Variants in BCL2L2 observed in about 807,000 individuals in gnomAD.
BCL2L2 encodes the protein bcl-2-like protein 2.
In BCL2L2, 6 loss-of-function variants were observed where a neutral mutation model predicts 14.6. The ratio of observed to expected loss-of-function variants is 0.41; its 90% CI spans 0.22 to 0.81. The LOEUF is 0.81. Among genes scored for constraint, BCL2L2 ranks in the 30% least tolerant of loss-of-function variants. The pLI is 0.32. For synonymous variants in BCL2L2, 90 were observed against 108.5 expected, an observed-to-expected ratio of 0.83 and a Z score of 1.06; for missense variants, 191 against 260.5, an observed-to-expected ratio of 0.73 and a Z score of 1.84.
rs750337260 is a variant in BCL2L2 at position 23,307,799 on chromosome 14, G to A, written c.32G>A (p.Arg11Gln). 16 of 1,540,312 alleles carry A rather than the reference G, an allele frequency of 1.0e-5. No individual in the cohort carries two copies. Among genetic ancestry groups the A allele is most frequent in the Admixed American group, 8.5e-5 (4 of 47,026 alleles). ...ACCCCAGCCTCGGCCCCAGACACAC[G>A]GGCTCTGGTGGCAGACTTTGTAGGT... MATPASAPDT[R>Q]ALVADFVGYK... is the part of the protein sequence containing the mutation. Residue 11 changes from arginine to glutamine, a missense_variant, in exon 3 of 4, where the codon CGG becomes CAG. Arg to Gln is a conservative substitution (Grantham distance 43). Transcript: ENST00000250405.
chr14:23,311,546 AAC>A lies in BCL2L2; in HGVS notation c.*2584_*2585del. On this transcript the variant is annotated 3_prime_UTR_variant, in exon 4 of 4. Coordinates refer to ENST00000250405, the MANE Select transcript of BCL2L2 (RefSeq NM_004050.5). Reference sequence around the variant, plus strand: ...CTCCCCACTTATTCTAGGGCACACAAACACTATTTTACTTTTTTAAAATCATA... The same window carrying A: ...CTCCCCACTTATTCTAGGGCACACAAACTATTTTACTTTTTTAAAATCATA... The A allele has an allele frequency of 1.0e-6, 1 of 987,946 alleles. No homozygotes were observed. The highest frequency in any genetic ancestry group is 1.2e-6 in the Non-Finnish European group (1 of 831,774). 61.2% of individuals were successfully genotyped at this position (987,946 alleles called of 1,614,324 possible).
chr14:23,308,981 T>TGGGGCTAGGTGTGGCTG lies in BCL2L2; in HGVS notation c.*22_*38dup. On this transcript the variant is annotated 3_prime_UTR_variant, in exon 4 of 4. Coordinates refer to ENST00000250405, the MANE Select transcript of BCL2L2 (RefSeq NM_004050.5). The surrounding 1 kb of genome is among the most constrained non-coding windows in gnomAD (Gnocchi z 5.4). ...TAGCAAGTGAAAGTCCAGGGCCAGG[T>TGGGGCTAGGTGTGGCTG]GGGGCTAGGTGTGGCTGGGGGCCAG... The TGGGGCTAGGTGTGGCTG allele has an allele frequency of 7.6e-7, 1 of 1,321,116 alleles. No individual in the cohort carries two copies. Among genetic ancestry groups the TGGGGCTAGGTGTGGCTG allele is most frequent in the Non-Finnish European group, 9.7e-7 (1 of 1,026,802 alleles). 81.8% of individuals were successfully genotyped at this position (1,321,116 alleles called of 1,614,324 possible). A position where few individuals can be genotyped will look rare whatever the true frequency, so the allele number is the denominator to read the frequency against.
At chr14:23,307,395 T>G in intron 2 of BCL2L2, 116 bp downstream of exon 2, 3 of 167,828 alleles carry the variant, frequency 1.8e-5, no homozygotes, top group Non-Finnish European at 2.5e-5. Flanking sequence ...ACATCTTGCA[T>G]TTGGGGAGGT....
In BCL2L2 at chr14:23,308,959, C is replaced by G. The variant is rs960026776; in HGVS notation, c.576C>G (p.Ser192Arg). 3.0e-6 allele frequency: 4 copies of G among 1,324,752 alleles called. No homozygotes were observed. The highest frequency in any genetic ancestry group is 1.5e-5 in the African/African-American group (1 of 66,428). The allele number at this position is 1,324,752 out of a possible 1,614,324, so 82.1% of individuals were successfully genotyped here. A position where few individuals can be genotyped will look rare whatever the true frequency, so the allele number is the denominator to read the frequency against. ...TAACTGTAGGGGCCTTTTTTGCTAGCAAGTGAAAGTCCAGGGCCAGGTGGG... is the reference window on the plus strand; with the variant it reads ...TAACTGTAGGGGCCTTTTTTGCTAGGAAGTGAAAGTCCAGGGCCAGGTGGG... ...ALVTVGAFFA[S>R]K Residue 192 changes from serine to arginine, a missense_variant, in exon 4 of 4, where the codon AGC becomes AGG. Physicochemically the swap from Ser to Arg is moderately radical, Grantham distance 110. Transcript: ENST00000250405. This position sits in a 1 kb window ranked among gnomAD's most constrained non-coding sequence, Gnocchi z 5.4.
At position 23,308,308 on chromosome 14, in the gene BCL2L2, T is replaced by G. The variant is rs1594978650; in HGVS notation, c.432+109T>G. On this transcript the variant is annotated intron_variant, in intron 3 of 3. Transcript: ENST00000250405. The surrounding 1 kb of genome is among the most constrained non-coding windows in gnomAD (Gnocchi z 5.4). ...TGAGGCAGCTATGTTGGGAATGAGGTACGGGGCTGAGTCTCCCCGTCTGGA... is the reference window on the plus strand; with the variant it reads ...TGAGGCAGCTATGTTGGGAATGAGGGACGGGGCTGAGTCTCCCCGTCTGGA... The G allele has an allele frequency of 7.2e-7, 1 of 1,398,496 alleles. No individual in the cohort carries two copies. The highest frequency in any genetic ancestry group is 1.5e-5 in the South Asian group (1 of 67,168). The allele number at this position is 1,398,496 out of a possible 1,614,324, so 86.6% of individuals were successfully genotyped here.
rs1887529684 is a variant in BCL2L2, at chr14:23,310,342, A to G, written c.*1377A>G. On this transcript the variant is annotated 3_prime_UTR_variant, in exon 4 of 4. Coordinates refer to ENST00000250405, the MANE Select transcript of BCL2L2 (RefSeq NM_004050.5). ...GCCAGACCTCACTGCTGCACTTTCCAAGGTGCTAAGATTGCTGCTCTCCAA... is the reference window on the plus strand; with the variant it reads ...GCCAGACCTCACTGCTGCACTTTCCGAGGTGCTAAGATTGCTGCTCTCCAA... The G allele has an allele frequency of 1.0e-6, 1 of 987,522 alleles. No individual in the cohort carries two copies. 61.2% of individuals were successfully genotyped at this position (987,522 alleles called of 1,614,324 possible).
Position 23,310,789 on chromosome 14 carries a change from G to A in BCL2L2, c.*1824G>A, listed in dbSNP as rs1887564659. On this transcript the variant is annotated 3_prime_UTR_variant, in exon 4 of 4. Transcript: ENST00000250405. ...CAGGAGTCCTTGGGGAGATGAAGGG[G>A]GTGGGGAGCTGAGCAGGCTGGGCAA... is the stretch of plus-strand genomic sequence containing the variant. The A allele has an allele frequency of 8.3e-7, 1 of 1,198,890 alleles. No homozygotes were observed. The highest frequency in any genetic ancestry group is 1.1e-6 in the Non-Finnish European group (1 of 940,344). The allele number at this position is 1,198,890 out of a possible 1,614,324, so 74.3% of individuals were successfully genotyped here. A position where few individuals can be genotyped will look rare whatever the true frequency, so the allele number is the denominator to read the frequency against.
chr14:23,308,914 C>G lies in BCL2L2; in HGVS notation c.531C>G (p.Ala177=). Residue 177 remains alanine (A), a synonymous_variant, in exon 4 of 4, where the codon GCC becomes GCG. Transcript: ENST00000250405. The surrounding 1 kb of genome is among the most constrained non-coding windows in gnomAD (Gnocchi z 5.4). ...WASVRTVLTG[A]VALGALVTVG... Reference sequence around the variant, plus strand: ...CAGTGAGGACAGTGCTGACGGGGGCCGTGGCACTGGGGGCCCTGGTAACTG... The same window carrying G: ...CAGTGAGGACAGTGCTGACGGGGGCGGTGGCACTGGGGGCCCTGGTAACTG... The G allele has an allele frequency of 7.6e-7, 1 of 1,321,140 alleles. No homozygotes were observed. The allele number at this position is 1,321,140 out of a possible 1,614,324, so 81.8% of individuals were successfully genotyped here. A position where few individuals can be genotyped will look rare whatever the true frequency, so the allele number is the denominator to read the frequency against.
chr14:23,308,216 T>C lies in BCL2L2; in HGVS notation c.432+17T>C. ...GGGGGCTGGGTAAGAAGCTTCTCAATTGCCGCTCTGCACATCCTTCTGCAA... is the reference window on the plus strand; with the variant it reads ...GGGGGCTGGGTAAGAAGCTTCTCAACTGCCGCTCTGCACATCCTTCTGCAA... On this transcript the variant is annotated intron_variant, in intron 3 of 3. Transcript: ENST00000250405. This position sits in a 1 kb window ranked among gnomAD's most constrained non-coding sequence, Gnocchi z 5.4. 6.3e-7 allele frequency: 1 copy of C among 1,595,206 alleles called. No homozygotes were observed.
rs1036785604 is a variant in BCL2L2, at chr14:23,311,141, G to A, written c.*2176G>A. ...GGAAAGAGAGGCTGTTTTCTGAAAG[G>A]GTAAAGGGCTTGGTCTGGATTCCCA... On this transcript the variant is annotated 3_prime_UTR_variant, in exon 4 of 4. Coordinates refer to ENST00000250405, the MANE Select transcript of BCL2L2 (RefSeq NM_004050.5). 2.7e-5 allele frequency: 35 copies of A among 1,286,772 alleles called. No homozygotes were observed. The African/African-American group carries it at 5.2e-4, about 19-fold the overall frequency. 79.7% of individuals were successfully genotyped at this position (1,286,772 alleles called of 1,614,324 possible).
chr14:23,308,221 G>T lies in BCL2L2; in HGVS notation c.432+22G>T, dbSNP rs760056359. ...CTGGGTAAGAAGCTTCTCAATTGCC[G>T]CTCTGCACATCCTTCTGCAAAGCTG... On this transcript the variant is annotated intron_variant, in intron 3 of 3. Coordinates refer to ENST00000250405, the MANE Select transcript of BCL2L2 (RefSeq NM_004050.5). This position sits in a 1 kb window ranked among gnomAD's most constrained non-coding sequence, Gnocchi z 5.4. 1.9e-6 allele frequency: 3 copies of T among 1,588,876 alleles called. No individual in the cohort carries two copies. The highest frequency in any genetic ancestry group is 4.5e-5 in the East Asian group (2 of 44,548).
rs1315197490 is a variant in BCL2L2, at chr14:23,307,248, T to G, written c.-40T>G. ...CCAGCTGGGGGCTCCTTGCCACCAG[T>G]GCTGTGTCTTAAGAGCTGCCATCCC... On this transcript the variant is annotated 5_prime_UTR_variant, in exon 2 of 4. Coordinates refer to ENST00000250405, the MANE Select transcript of BCL2L2 (RefSeq NM_004050.5). The G allele has an allele frequency of 6.5e-6, 1 of 152,680 alleles. No homozygotes were observed. Among genetic ancestry groups the G allele is most frequent in the Non-Finnish European group, 1.5e-5 (1 of 68,410 alleles). 9.5% of individuals were successfully genotyped at this position (152,680 alleles called of 1,614,324 possible).
rs988846268 is a variant in BCL2L2, at chr14:23,309,429, G to A, written c.*464G>A. 1.1e-5 allele frequency: 11 copies of A among 989,764 alleles called. No homozygotes were observed. Among genetic ancestry groups the A allele is most frequent in the African/African-American group, 1.7e-5 (1 of 57,406 alleles). 61.3% of individuals were successfully genotyped at this position (989,764 alleles called of 1,614,324 possible). On this transcript the variant is annotated 3_prime_UTR_variant, in exon 4 of 4. Transcript: ENST00000250405. ...TGTTAACAGTGGGCTGCTTGGACAC[G>A]CGTGTGCATGTGCACGCATGCTGGT...
chr14:23,309,227 G>T lies in BCL2L2; in HGVS notation c.*262G>T. On this transcript the variant is annotated 3_prime_UTR_variant, in exon 4 of 4. Transcript: ENST00000250405. Reference sequence around the variant, plus strand: ...TTCCAGGGCTGGGGGAGGTGGGAGGGATCACGCCTATAGGTGTGGGCACAT... The same window carrying T: ...TTCCAGGGCTGGGGGAGGTGGGAGGTATCACGCCTATAGGTGTGGGCACAT... 16 of 728,190 alleles carry T rather than the reference G, an allele frequency of 2.2e-5. No individual in the cohort carries two copies. Among genetic ancestry groups the T allele is most frequent in the East Asian group, 2.3e-4 (2 of 8,666 alleles). The allele number at this position is 728,190 out of a possible 1,614,324, so 45.1% of individuals were successfully genotyped here.
chr14:23,307,261 G>C lies in BCL2L2; in HGVS notation c.-27G>C, dbSNP rs1021985002. 1 of 152,796 alleles carries C rather than the reference G, an allele frequency of 6.5e-6. No individual in the cohort carries two copies. The allele number at this position is 152,796 out of a possible 1,614,324, so 9.5% of individuals were successfully genotyped here. A position where few individuals can be genotyped will look rare whatever the true frequency, so the allele number is the denominator to read the frequency against. ...CCTTGCCACCAGTGCTGTGTCTTAA[G>C]AGCTGCCATCCCGGCTGGGTGAGTG... On this transcript the variant is annotated 5_prime_UTR_variant, in exon 2 of 4. Transcript: ENST00000250405.
Position 23,308,037 on chromosome 14 carries a change from C to T in BCL2L2, c.270C>T (p.Gly90=), listed in dbSNP as rs1262749122. The change falls in exon 3 of 4, where the codon GGC becomes GGT. Residue 90 remains glycine (G), a synonymous_variant. Coordinates refer to ENST00000250405, the MANE Select transcript of BCL2L2 (RefSeq NM_004050.5). The surrounding 1 kb of genome is among the most constrained non-coding windows in gnomAD (Gnocchi z 5.4). ...TCTCCGATGAACTTTTTCAAGGGGG[C>T]CCCAACTGGGGCCGCCTTGTAGCCT... The part of the protein sequence containing the change: ...TQVSDELFQG[G]PNWGRLVAFF... 1.2e-6 allele frequency: 2 copies of T among 1,613,976 alleles called. No individual in the cohort carries two copies. Among genetic ancestry groups the T allele is most frequent in the Non-Finnish European group, 1.7e-6 (2 of 1,180,040 alleles).
intron 2 of BCL2L2, among the ~76,000 whole-genome samples, 165 bp from the exon 3 acceptor site, chr14:23,307,595 G>A (rs566976086): frequency 6.6e-6 from 1 of 152,338 alleles, no homozygotes; most frequent in Admixed American, 6.5e-5. Context: ...TCACAGCCTA[G>A]TCTCATATCA....
chr14:23,310,184 T>G lies in BCL2L2; in HGVS notation c.*1219T>G. Reference sequence around the variant, plus strand: ...ATGATTTATTTGAAGCCACACTGTTTGCATGGGTGTTACTTGTCTGTACCT... The same window carrying G: ...ATGATTTATTTGAAGCCACACTGTTGGCATGGGTGTTACTTGTCTGTACCT... On this transcript the variant is annotated 3_prime_UTR_variant, in exon 4 of 4. Transcript: ENST00000250405. 2.0e-6 allele frequency: 2 copies of G among 985,884 alleles called. No individual in the cohort carries two copies. The highest frequency in any genetic ancestry group is 9.4e-5 in the South Asian group (2 of 21,284). The allele number at this position is 985,884 out of a possible 1,614,324, so 61.1% of individuals were successfully genotyped here. A position where few individuals can be genotyped will look rare whatever the true frequency, so the allele number is the denominator to read the frequency against.
rs1345418329 is a variant in BCL2L2 at position 23,309,208 on chromosome 14, G to A, written c.*243G>A. 8.5e-7 allele frequency: 1 copy of A among 1,176,376 alleles called. No homozygotes were observed. Among genetic ancestry groups the A allele is most frequent in the African/African-American group, 1.6e-5 (1 of 62,236 alleles). The allele number at this position is 1,176,376 out of a possible 1,614,324, so 72.9% of individuals were successfully genotyped here. A position where few individuals can be genotyped will look rare whatever the true frequency, so the allele number is the denominator to read the frequency against. On this transcript the variant is annotated 3_prime_UTR_variant, in exon 4 of 4. Coordinates refer to ENST00000250405, the MANE Select transcript of BCL2L2 (RefSeq NM_004050.5). Reference sequence around the variant, plus strand: ...GGCACAGGAGATGTAGTCGTTCCAGGGCTGGGGGAGGTGGGAGGGATCACG... The same window carrying A: ...GGCACAGGAGATGTAGTCGTTCCAGAGCTGGGGGAGGTGGGAGGGATCACG...
Sources: gnomAD v4.1 joint callset for allele counts (sites outside exome capture counted in the v4.1 genomes callset) on GRCh38, gnomAD v4.1.1 for gene constraint, Gnocchi (gnomAD v3.1) non-coding constraint, MANE v1.5 for transcripts, NCBI Gene and HGNC (gene_info 2026-07-23, HGNC 2026-07-21) for gene names.